The following CNTNAP5 variants were observed in gnomAD, a reference collection of about 807,000 sequenced individuals.
The protein encoded by CNTNAP5 is contactin-associated protein-like 5.
In CNTNAP5, 72 loss-of-function variants were observed where a neutral mutation model predicts 150.2. The ratio of observed to expected loss-of-function variants is 0.48; its 90% CI spans 0.40 to 0.58. The LOEUF is 0.58. Ranked by LOEUF, CNTNAP5 falls within the 20% of genes least tolerant of loss-of-function variation. CNTNAP5 has a pLI of 0.00. For missense variants in CNTNAP5, 1,636 were observed against 1,626.2 expected (o/e 1.01, Z -0.10); for synonymous variants, 672 against 619.8 (o/e 1.08, Z -1.25).
At chr2:124,853,296 A>G (rs1683193311) in intron 19 of CNTNAP5, among the ~76,000 whole-genome samples, 1 of 152,172 alleles carries the variant, frequency 6.6e-6, no homozygotes, top group African/African-American at 2.4e-5. Flanking sequence ...TTTGTGTCAC[A>G]CATGTGTTTG....
intron 20 of CNTNAP5, among the ~76,000 whole-genome samples, chr2:124,867,387 C>T (rs1285161947): frequency 6.6e-6 from 1 of 152,112 alleles, no homozygotes; most frequent in Non-Finnish European, 1.5e-5. Flanking sequence ...TATACCCATA[C>T]CGAAAAGGTA....
intron 3 of CNTNAP5, among the ~76,000 whole-genome samples, chr2:124,289,213 C>G (rs146785322): frequency 6.6e-6 from 1 of 152,084 alleles, no homozygotes; most frequent in Non-Finnish European, 1.5e-5. Flanking sequence ...TTCTAAAGAC[C>G]GTTTCACTAA....
At chr2:124,373,642 CA>C (rs1214306666) in intron 3 of CNTNAP5, among the ~76,000 whole-genome samples, 2 of 151,236 alleles carry the variant, frequency 1.3e-5, no homozygotes, top group Admixed American at 6.6e-5. Context: ...TTGAGGTTTT[CA>C]AAAAAGTAAA....
chr2:124,156,303 A>G (rs571689061), intron 1 of CNTNAP5, among the ~76,000 whole-genome samples: 41 of 152,288 alleles, frequency 2.7e-4, no homozygotes, highest in Middle Eastern at 6.8e-3. Flanking sequence ...CTCCAGCTCC[A>G]CTGCTGATTA....
At chr2:124,736,743 A>G (rs1326597064) in intron 13 of CNTNAP5, among the ~76,000 whole-genome samples, 3 of 152,170 alleles carry the variant, frequency 2.0e-5, no homozygotes, top group Non-Finnish European at 4.4e-5. Context: ...AATCATATAT[A>G]TTTCTGCAAA....
At chr2:124,107,398 C>A (rs979780745) in intron 1 of CNTNAP5, among the ~76,000 whole-genome samples, 6 of 152,194 alleles carry the variant, frequency 3.9e-5, no homozygotes, top group Non-Finnish European at 7.3e-5. Context: ...AATGAATTTT[C>A]TAGCTTAACA....
At chr2:124,286,727 G>A (rs917696274) in intron 3 of CNTNAP5, among the ~76,000 whole-genome samples, 12 of 152,102 alleles carry the variant, frequency 7.9e-5, no homozygotes, top group East Asian at 1.9e-4. Context: ...TGCATAGCCC[G>A]CCCATCTCCT....
chr2:124,483,894 C>T (rs1459011177), intron 7 of CNTNAP5, among the ~76,000 whole-genome samples: 1 of 152,254 alleles, frequency 6.6e-6, no homozygotes, highest in Non-Finnish European at 1.5e-5. Flanking sequence ...ACTTTCTGCT[C>T]TCCTGGCCAC....
chr2:124,789,894 C>T lies in CNTNAP5; in HGVS notation c.2753-8C>T. 6.2e-7 allele frequency: 1 copy of T among 1,612,452 alleles called. No homozygotes were observed. The highest frequency in any genetic ancestry group is 1.1e-5 in the South Asian group (1 of 91,018). The stretch of plus-strand genomic sequence containing the variant: ...CTTACATTTGTTTCCTTTTATTTAA[C>T]CTCTTAGGGGGAACGTCATCCAGAC... On this transcript the variant is annotated splice_region_variant and splice_polypyrimidine_tract_variant and intron_variant, in intron 17 of 23. Coordinates refer to ENST00000682447, the MANE Select transcript of CNTNAP5 (RefSeq NM_001367498.1).
At chr2:124,612,681 T>C (rs1261028332) in intron 12 of CNTNAP5, among the ~76,000 whole-genome samples, 1 of 152,212 alleles carries the variant, frequency 6.6e-6, no homozygotes, top group Non-Finnish European at 1.5e-5. Context: ...GGGGTATTTA[T>C]TTTGAATATG....
intron 7 of CNTNAP5, among the ~76,000 whole-genome samples, chr2:124,493,192 T>A (rs1246080194): frequency 6.6e-6 from 1 of 152,134 alleles, no homozygotes; most frequent in African/African-American, 2.4e-5. Flanking sequence ...GGATGTTGAC[T>A]TTTGTCAAAT....
intron 3 of CNTNAP5, among the ~76,000 whole-genome samples, chr2:124,264,927 C>T (rs567609569): frequency 5.3e-5 from 8 of 152,264 alleles, no homozygotes; most frequent in African/African-American, 9.6e-5. Flanking sequence ...TTTGGGCATG[C>T]GACATTTCCT....
At chr2:124,544,518 A>G (rs985671507) in intron 10 of CNTNAP5, among the ~76,000 whole-genome samples, 1 of 152,164 alleles carries the variant, frequency 6.6e-6, no homozygotes, top group African/African-American at 2.4e-5. Flanking sequence ...AATGTAATAT[A>G]ATTATTGCTT....
intron 18 of CNTNAP5, among the ~76,000 whole-genome samples, chr2:124,797,263 A>G (rs1317499088): frequency 6.6e-6 from 1 of 152,206 alleles, no homozygotes; most frequent in Admixed American, 6.5e-5. Context: ...GTTCCACTAC[A>G]CTAACATGGT....
chr2:124,866,312 T>C (rs1289689440), intron 20 of CNTNAP5, among the ~76,000 whole-genome samples: 3 of 152,048 alleles, frequency 2.0e-5, no homozygotes, highest in African/African-American at 7.2e-5. Flanking sequence ...CCACAGCAGA[T>C]CTATTAAATT....
chr2:124,623,166 A>G (rs542738518), intron 12 of CNTNAP5, among the ~76,000 whole-genome samples: 71 of 152,294 alleles, frequency 4.7e-4, no homozygotes, highest in Non-Finnish European at 3.8e-4. Flanking sequence ...AGCCACTGGG[A>G]ATATAGAAAT....
At chr2:124,609,611 G>T (rs1309415136) in intron 11 of CNTNAP5, among the ~76,000 whole-genome samples, 190 bp from the exon 12 acceptor site, 1 of 151,956 alleles carries the variant, frequency 6.6e-6, no homozygotes, top group African/African-American at 2.4e-5. Context: ...GAGATGAATG[G>T]AAAATCTGAA....
chr2:124,633,209 C>A (rs1204913830), intron 12 of CNTNAP5, among the ~76,000 whole-genome samples: 1 of 152,088 alleles, frequency 6.6e-6, no homozygotes, highest in Non-Finnish European at 1.5e-5. Flanking sequence ...TTAACATTAA[C>A]TCAAAAGTCC....
intron 10 of CNTNAP5, among the ~76,000 whole-genome samples, chr2:124,534,550 T>C (rs1695185190): frequency 6.6e-6 from 1 of 152,144 alleles, no homozygotes; most frequent in African/African-American, 2.4e-5. Context: ...CCATGTAAAC[T>C]CTATCACCAC....
Sources: gnomAD v4.1 joint callset for allele counts (sites outside exome capture counted in the v4.1 genomes callset) on GRCh38, gnomAD v4.1.1 for gene constraint, MANE v1.5 for transcripts, NCBI Gene and HGNC (gene_info 2026-07-23, HGNC 2026-07-21) for gene names.